Variants in SLITRK3 observed in about 807,000 individuals in gnomAD.
The protein encoded by SLITRK3 is SLIT and NTRK-like protein 3.
Under a neutral mutation model 63.6 loss-of-function variants are expected in SLITRK3, and 16 were observed. The ratio of observed to expected loss-of-function variants is 0.25; its 90% confidence interval spans 0.17 to 0.38. The LOEUF is 0.38. Ranked by LOEUF, SLITRK3 falls within the 10% of genes least tolerant of loss-of-function variation. The probability of loss-of-function intolerance (pLI) is 1.00; values close to 1 mark genes in which losing one functional copy is unlikely to be tolerated. For missense variants in SLITRK3, 1,117 were observed against 1,181.4 expected (o/e 0.95, Z 0.80); for synonymous variants, 547 against 451.6 (o/e 1.21, Z -2.68).
At position 165,187,706 on chromosome 3, in the gene SLITRK3, A is replaced by G; in HGVS notation, c.*191T>C. 2.0e-6 allele frequency: 1 copy of G among 502,490 alleles called. No individual in the cohort carries two copies. Among genetic ancestry groups the G allele is most frequent in the Non-Finnish European group, 3.5e-6 (1 of 285,954 alleles). The allele number at this position is 502,490 out of a possible 1,614,324, so 31.1% of individuals were successfully genotyped here. ...ATGATCTGAGTATGGCCCTTCCTCC[A>G]AATCGCATCTGAGAGGGGAGAGCAT... is the stretch of plus-strand genomic sequence containing the variant. On this transcript the variant is annotated 3_prime_UTR_variant, in exon 2 of 2. Coordinates refer to ENST00000475390, the MANE Select transcript of SLITRK3 (RefSeq NM_001318810.2).
upstream of SLITRK3, chr3:165,196,444 G>GT (rs1441812725): frequency 6.8e-6 from 1 of 147,294 alleles, no homozygotes; most frequent in East Asian, 2.1e-4. Context: ...GGGGAGGGGG[G>GT]TGGGAGGGGG....
chr3:165,188,401 G>A lies in SLITRK3; in HGVS notation c.2430C>T (p.Thr810=), dbSNP rs376355321. 5.0e-6 allele frequency: 8 copies of A among 1,613,922 alleles called. No homozygotes were observed. The highest frequency in any genetic ancestry group is 6.8e-6 in the Non-Finnish European group (8 of 1,179,970). Residue 810 remains threonine (T), a synonymous_variant, in exon 2 of 2, where the codon ACC becomes ACT. Transcript: ENST00000475390. ...TPKENHSNYR[T]LLEKEKEWAL... ...CCCACTCCTTCTCTTTTTCCAGCAA[G>A]GTCCGGTAGTTACTATGGTTCTCCT... is the stretch of plus-strand genomic sequence containing the variant.
Position 165,189,402 on chromosome 3 carries a change from G to A in SLITRK3, c.1429C>T (p.Arg477Ter). 2 of 1,613,600 alleles carry A rather than the reference G, an allele frequency of 1.2e-6. No homozygotes were observed. The highest frequency in any genetic ancestry group is 1.7e-6 in the Non-Finnish European group (2 of 1,180,018). ...DIEKLTPGMF[R>*]GLQSLHYLYF... is the part of the protein sequence containing the mutation. ...AAGTAGTGCAAACTCTGTAGGCCTC[G>A]GAACATGCCTGGTGTCAGCTTCTCT... Residue 477 changes from arginine (R) to a stop codon, truncating the protein, a stop_gained, in exon 2 of 2, where the codon CGA (arginine) becomes TGA (stop). Transcript: ENST00000475390. LOFTEE classifies it high-confidence loss of function. This position sits in a 1 kb window ranked among gnomAD's most constrained non-coding sequence, Gnocchi z 4.0.
At position 165,188,607 on chromosome 3, in the gene SLITRK3, A is replaced by G. The variant is rs1208738950; in HGVS notation, c.2224T>C (p.Tyr742His). Residue 742 changes from tyrosine to histidine, a missense_variant, in exon 2 of 2, where the codon TAC becomes CAC. Tyr to His is a moderately conservative substitution (Grantham distance 83, BLOSUM62 2). Transcript: ENST00000475390. The stretch of plus-strand genomic sequence containing the variant: ...ATTTGGGTAACCGGGTGGGGGATGT[A>G]CTCATACACATGACCCACGGGAGGG... ...KAPPVGHVYE[Y>H]IPHPVTQMCN... The G allele has an allele frequency of 6.2e-7, 1 of 1,613,622 alleles. No homozygotes were observed. The highest frequency in any genetic ancestry group is 1.3e-5 in the African/African-American group (1 of 74,802).
chr3:165,192,113 T>A (rs577872305), intron 1 of SLITRK3, among the ~76,000 whole-genome samples: 2 of 152,342 alleles, frequency 1.3e-5, no homozygotes, highest in Admixed American at 1.3e-4. Context: ...GTTTCTAGCA[T>A]ATATTTTCCT....
At chr3:165,195,380 G>T (rs1490119306) in intron 1 of SLITRK3, among the ~76,000 whole-genome samples, 200 bp downstream of exon 1, 6 of 152,102 alleles carry the variant, frequency 3.9e-5, no homozygotes, top group Non-Finnish European at 8.8e-5. Context: ...AGGTCCGAGG[G>T]TATGTTAGTC....
chr3:165,192,263 C>G (rs896271388), intron 1 of SLITRK3, among the ~76,000 whole-genome samples: 1 of 151,944 alleles, frequency 6.6e-6, no homozygotes, highest in African/African-American at 2.4e-5. Flanking sequence ...AAGGAGATAC[C>G]GTGAGAAAGC....
chr3:165,189,904 C>T lies in SLITRK3; in HGVS notation c.927G>A (p.Lys309=), dbSNP rs1209790241. The T allele has an allele frequency of 1.2e-6, 2 of 1,614,114 alleles. No homozygotes were observed. The highest frequency in any genetic ancestry group is 2.2e-5 in the South Asian group (2 of 91,084). The change falls in exon 2 of 2, where the codon AAG becomes AAA. Residue 309 remains lysine (K), a synonymous_variant. Coordinates refer to ENST00000475390, the MANE Select transcript of SLITRK3 (RefSeq NM_001318810.2). This position sits in a 1 kb window ranked among gnomAD's most constrained non-coding sequence, Gnocchi z 4.0. ...SSSKENAWPT[K]PSSMLSSVHF... ...GAACAGAGGATAGCATTGAGGAAGG[C>T]TTAGTTGGCCATGCATTCTCCTTAC...
At chr3:165,192,328 A>G (rs1451797240) in intron 1 of SLITRK3, among the ~76,000 whole-genome samples, 1 of 152,196 alleles carries the variant, frequency 6.6e-6, no homozygotes, top group African/African-American at 2.4e-5. Context: ...CAATTCAGTG[A>G]AAAAGAGGGA....
rs111817682 is a variant in SLITRK3 at position 165,188,155 on chromosome 3, A to G, written c.2676T>C (p.Pro892=). The change falls in exon 2 of 2, where the codon CCT becomes CCC. Residue 892 remains proline, a synonymous_variant. Transcript: ENST00000475390. ...SMLLDRERPQ[P]APCTVGFVDC... The stretch of plus-strand genomic sequence containing the variant: ...CCACAAATCCCACTGTGCAGGGGGC[A>G]GGCTGTGGCCTCTCTCGATCTAGTA... 1,557 of 1,613,444 alleles carry G rather than the reference A, an allele frequency of 9.7e-4. 7 individuals carry two copies. In the African/African-American group the frequency reaches 0.012, roughly 13 times the overall value.
intron 1 of SLITRK3, among the ~76,000 whole-genome samples, chr3:165,195,283 A>G (rs1718377135): frequency 6.6e-6 from 1 of 152,180 alleles, no homozygotes; most frequent in South Asian, 2.1e-4. Context: ...TTACAACACC[A>G]GCGAGCATTC....
rs200571648 is a variant in SLITRK3 at position 165,188,883 on chromosome 3, G to T, written c.1948C>A (p.Pro650Thr). The T allele has an allele frequency of 1.2e-6, 2 of 1,614,072 alleles. No homozygotes were observed. Among genetic ancestry groups the T allele is most frequent in the African/African-American group, 1.3e-5 (1 of 75,012 alleles). ...AGAATTAACACAGAAAGTGGCACAG[G>T]GCCCCCAGGAGGAGAAAACTCATAA... ...SPYEFSPPGG[P>T]VPLSVLILSL... The change falls in exon 2 of 2, where the codon CCT (proline) becomes ACT (threonine). Residue 650 changes from proline to threonine, a missense_variant. Coordinates refer to ENST00000475390, the MANE Select transcript of SLITRK3 (RefSeq NM_001318810.2).
rs762111134 is a variant in SLITRK3, at chr3:165,188,608, C to T, written c.2223G>A (p.Glu741=). Residue 741 remains glutamate, a synonymous_variant, in exon 2 of 2, where the codon GAG becomes GAA. Coordinates refer to ENST00000475390, the MANE Select transcript of SLITRK3 (RefSeq NM_001318810.2). ...TTTGGGTAACCGGGTGGGGGATGTA[C>T]TCATACACATGACCCACGGGAGGGG... is the stretch of plus-strand genomic sequence containing the variant. The part of the protein sequence containing the change: ...EKAPPVGHVY[E]YIPHPVTQMC... 1.2e-6 allele frequency: 2 copies of T among 1,613,958 alleles called. No individual in the cohort carries two copies. Among genetic ancestry groups the T allele is most frequent in the Non-Finnish European group, 1.7e-6 (2 of 1,179,978 alleles).
chr3:165,193,598 AG>A (rs1420916427), intron 1 of SLITRK3, among the ~76,000 whole-genome samples: 4 of 152,092 alleles, frequency 2.6e-5, no homozygotes, highest in African/African-American at 9.7e-5. Flanking sequence ...CCGTTGCACC[AG>A]GAATTCTTTT....
In SLITRK3 at chr3:165,188,856, T is replaced by A. The variant is rs1159565862; in HGVS notation, c.1975A>T (p.Ser659Cys). The A allele has an allele frequency of 5.6e-6, 9 of 1,613,996 alleles. No homozygotes were observed. Among genetic ancestry groups the A allele is most frequent in the Non-Finnish European group, 7.6e-6 (9 of 1,180,018 alleles). The stretch of plus-strand genomic sequence containing the variant: ...GCTGAGAAAAACAGAACCAGCAGGC[T>A]GAGAATTAACACAGAAAGTGGCACA... ...GPVPLSVLILSLLVLFFSAVF... is the reference protein window; with the variant it reads ...GPVPLSVLILCLLVLFFSAVF... The change falls in exon 2 of 2, where the codon AGC (serine) becomes TGC (cysteine). Residue 659 changes from serine to cysteine, a missense_variant. Physicochemically the swap from Ser to Cys is moderately radical, Grantham distance 112 (BLOSUM62 -1). Transcript: ENST00000475390.
At chr3:165,195,520 C>G (rs1436826169) in intron 1 of SLITRK3, 60 bp downstream of exon 1, 1 of 152,236 alleles carries the variant, frequency 6.6e-6, no homozygotes, top group African/African-American at 2.4e-5. Flanking sequence ...CAATGCACAT[C>G]CTACATACGA....
chr3:165,189,202 G>C lies in SLITRK3; in HGVS notation c.1629C>G (p.Pro543=), dbSNP rs775185464. 6.2e-7 allele frequency: 1 copy of C among 1,614,184 alleles called. No homozygotes were observed. The highest frequency in any genetic ancestry group is 8.5e-7 in the Non-Finnish European group (1 of 1,180,044). ...TCAAGTGTTCCAGGACACCAGCCACGGGAAGATAGAGGAAGTAGTTCTTCC... is the reference window on the plus strand; with the variant it reads ...TCAAGTGTTCCAGGACACCAGCCACCGGAAGATAGAGGAAGTAGTTCTTCC... ...NLRKNYFLYL[P]VAGVLEHLNA... The change falls in exon 2 of 2, where the codon CCC becomes CCG. Residue 543 remains proline (P), a synonymous_variant. Transcript: ENST00000475390. The surrounding 1 kb of genome is among the most constrained non-coding windows in gnomAD (Gnocchi z 4.0).
rs1463629523 is a variant in SLITRK3, at chr3:165,189,455, T to C, written c.1376A>G (p.Lys459Arg). Reference sequence around the variant, plus strand: ...ATCGTTGCCATTAAGGAAGAGGCTCTTTAAGTTGGGCAAGTTGATAAAGGC... The same window carrying C: ...ATCGTTGCCATTAAGGAAGAGGCTCCTTAAGTTGGGCAAGTTGATAAAGGC... ...DGAFINLPNLKSLFLNGNDIE... is the reference protein window; with the variant it reads ...DGAFINLPNLRSLFLNGNDIE... The change falls in exon 2 of 2, where the codon AAG (lysine) becomes AGG (arginine). Residue 459 changes from lysine to arginine, a missense_variant. Physicochemically the swap from Lys to Arg is conservative, Grantham distance 26 (BLOSUM62 2). Around this residue, in one of 4 missense-constraint regions of SLITRK3, gnomAD observed 158 missense variants for 197.2 expected, o/e 0.80. Transcript: ENST00000475390. The surrounding 1 kb of genome is among the most constrained non-coding windows in gnomAD (Gnocchi z 4.0). The C allele has an allele frequency of 6.2e-7, 1 of 1,613,390 alleles. No homozygotes were observed. Among genetic ancestry groups the C allele is most frequent in the African/African-American group, 1.3e-5 (1 of 75,036 alleles).
rs887339977 is a variant in SLITRK3 at position 165,188,238 on chromosome 3, T to C, written c.2593A>G (p.Lys865Glu). 1 of 1,613,708 alleles carries C rather than the reference T, an allele frequency of 6.2e-7. No individual in the cohort carries two copies. The highest frequency in any genetic ancestry group is 2.2e-5 in the East Asian group (1 of 44,848). Residue 865 changes from lysine to glutamate, a missense_variant, in exon 2 of 2, where the codon AAA becomes GAA. Physicochemically the swap from Lys to Glu is moderately conservative, Grantham distance 56. This residue lies in a region of SLITRK3 where 499 missense variants were observed against 463.6 expected (regional missense o/e 1.08). Coordinates refer to ENST00000475390, the MANE Select transcript of SLITRK3 (RefSeq NM_001318810.2). The part of the protein sequence containing the change: ...GDLAGFRHHE[K>E]NGGVVLFPPG... Reference sequence around the variant, plus strand: ...GGAAACAGCACCACCCCACCATTTTTCTCATGGTGGCGGAACCCTGCCAAG... The same window carrying C: ...GGAAACAGCACCACCCCACCATTTTCCTCATGGTGGCGGAACCCTGCCAAG...
Sources: gnomAD v4.1 joint callset for allele counts (sites outside exome capture counted in the v4.1 genomes callset) on GRCh38, gnomAD v4.1.1 for gene constraint, gnomAD v4.1.1 regional missense constraint, Gnocchi (gnomAD v3.1) non-coding constraint, MANE v1.5 for transcripts, NCBI Gene and HGNC (gene_info 2026-07-23, HGNC 2026-07-21) for gene names.